The following TFAP2C variants were observed in gnomAD, a reference collection of about 807,000 sequenced individuals.
TFAP2C encodes transcription factor AP-2 gamma.
In TFAP2C, 9 loss-of-function variants were observed where a neutral mutation model predicts 42.9. The observed-to-expected ratio is 0.21, with a 90% confidence interval of 0.13 to 0.37. The LOEUF is 0.37. Among genes scored for constraint, TFAP2C ranks in the 10% least tolerant of loss-of-function variants. The pLI, the probability that TFAP2C is intolerant of heterozygous loss-of-function variation, is 1.00. For missense variants in TFAP2C, 462 were observed against 591.7 expected, an observed-to-expected ratio of 0.78 and a Z score of 2.27; for synonymous variants, 264 against 256.0, an observed-to-expected ratio of 1.03 and a Z score of -0.30.
At position 56,629,503 on chromosome 20, in the gene TFAP2C, C is replaced by A; in HGVS notation, c.-42C>A. The stretch of plus-strand genomic sequence containing the variant: ...TTTACCGCTTGGGGGCTGGGGGGAT[C>A]CTGGATTTAACTGGCGACTGTTTTG... On this transcript the variant is annotated 5_prime_UTR_variant, in exon 1 of 7. Transcript: ENST00000201031. The surrounding 1 kb of genome is among the most constrained non-coding windows in gnomAD (Gnocchi z 5.9). The A allele has an allele frequency of 7.2e-7, 1 of 1,385,856 alleles. No homozygotes were observed. The highest frequency in any genetic ancestry group is 9.4e-7 in the Non-Finnish European group (1 of 1,064,998). 85.8% of individuals were successfully genotyped at this position (1,385,856 alleles called of 1,614,324 possible).
chr20:56,637,696 G>A (rs1266119702), intron 6 of TFAP2C, 32 bp from the exon 7 acceptor site: 1 of 1,609,334 alleles, frequency 6.2e-7, no homozygotes, highest in African/African-American at 1.3e-5. Context: ...GAGCTAGATG[G>A]AACTCATCGA....
In TFAP2C at chr20:56,631,834, C is replaced by T. The variant is rs1379019762; in HGVS notation, c.564C>T (p.His188=). 1.9e-6 allele frequency: 3 copies of T among 1,614,192 alleles called. No individual in the cohort carries two copies. Among genetic ancestry groups the T allele is most frequent in the Non-Finnish European group, 2.5e-6 (3 of 1,180,042 alleles). ...TCGACGACCAGCACCTGTTGCTGCA[C>T]GATCAGACAGTCATTCGCAAAGGTA... ...QNVDDQHLLL[H]DQTVIRKGPI... is the part of the protein sequence containing the mutation. Residue 188 remains histidine (H), a synonymous_variant, in exon 3 of 7, where the codon CAC becomes CAT. Transcript: ENST00000201031. This position sits in a 1 kb window ranked among gnomAD's most constrained non-coding sequence, Gnocchi z 6.1.
In TFAP2C at chr20:56,631,727, C is replaced by T. The variant is rs1987495845; in HGVS notation, c.534+37C>T. On this transcript the variant is annotated intron_variant, in intron 2 of 6. Coordinates refer to ENST00000201031, the MANE Select transcript of TFAP2C (RefSeq NM_003222.4). This position sits in a 1 kb window ranked among gnomAD's most constrained non-coding sequence, Gnocchi z 6.1. ...TGCGGCTCCTGACCGGACCTGTTCA[C>T]CCTACGGCCTTCTGCCCCCACCCCG... The T allele has an allele frequency of 6.2e-7, 1 of 1,610,394 alleles. No homozygotes were observed. The highest frequency in any genetic ancestry group is 1.3e-5 in the African/African-American group (1 of 74,890).
Position 56,638,041 on chromosome 20 carries a change from T to C in TFAP2C, c.*28T>C, listed in dbSNP as rs775989958. ...TTGGAACGAAGAAAGGTTAGGAGAGTAGGGAAGGAACAGGACTGCAAAAAT... is the reference window on the plus strand; with the variant it reads ...TTGGAACGAAGAAAGGTTAGGAGAGCAGGGAAGGAACAGGACTGCAAAAAT... On this transcript the variant is annotated 3_prime_UTR_variant, in exon 7 of 7. Transcript: ENST00000201031. The C allele has an allele frequency of 6.3e-7, 1 of 1,596,552 alleles. No homozygotes were observed. The highest frequency in any genetic ancestry group is 2.3e-5 in the East Asian group (1 of 44,024).
In TFAP2C at chr20:56,630,328, G is replaced by A. The variant is rs557047894; in HGVS notation, c.48+736G>A. 2.3e-6 allele frequency: 1 copy of A among 435,472 alleles called. No individual in the cohort carries two copies. The highest frequency in any genetic ancestry group is 7.3e-5 in the East Asian group (1 of 13,640). 27.0% of individuals were successfully genotyped at this position (435,472 alleles called of 1,614,324 possible). A position where few individuals can be genotyped will look rare whatever the true frequency, so the allele number is the denominator to read the frequency against. ...CCTGGAGGGCTGCCCCTGCCCGCAG[G>A]CCCGGGCGCTTCCGCCAGGAGGCGA... is the stretch of plus-strand genomic sequence containing the variant. On this transcript the variant is annotated intron_variant, in intron 1 of 6. Transcript: ENST00000201031. This position sits in a 1 kb window ranked among gnomAD's most constrained non-coding sequence, Gnocchi z 5.1.
rs1987489958 is a variant in TFAP2C at position 56,631,503 on chromosome 20, C to G, written c.347C>G (p.Ser116Trp). ...AGCCAGGAGGGAGCGGGGCTGCCCT[C>G]GCACCACGGGCGCCCGGCCGGCCTA... is the stretch of plus-strand genomic sequence containing the variant. ...RQSQEGAGLP[S>W]HHGRPAGLLP... Residue 116 changes from serine to tryptophan, a missense_variant, in exon 2 of 7, where the codon TCG becomes TGG. This residue lies in a region of TFAP2C where 271 missense variants were observed against 269.7 expected (regional missense o/e 1.00). Transcript: ENST00000201031. The surrounding 1 kb of genome is among the most constrained non-coding windows in gnomAD (Gnocchi z 6.1). 2 of 1,506,282 alleles carry G rather than the reference C, an allele frequency of 1.3e-6. No homozygotes were observed. The highest frequency in any genetic ancestry group is 1.4e-5 in the African/African-American group (1 of 69,718). 93.3% of individuals were successfully genotyped at this position (1,506,282 alleles called of 1,614,324 possible). A position where few individuals can be genotyped will look rare whatever the true frequency, so the allele number is the denominator to read the frequency against.
Position 56,630,566 on chromosome 20 carries a change from G to T in TFAP2C, c.49-639G>T, listed in dbSNP as rs1266782830. Among the ~76,000 whole-genome samples the T allele has an allele frequency of 6.6e-6, 1 of 152,110 alleles. No individual in the cohort carries two copies. The highest frequency in any genetic ancestry group is 1.5e-5 in the Non-Finnish European group (1 of 67,990). On this transcript the variant is annotated intron_variant, in intron 1 of 6. Transcript: ENST00000201031. The surrounding 1 kb of genome is among the most constrained non-coding windows in gnomAD (Gnocchi z 5.1). ...GGCGCCCCCACTTATTACTCCCCTC[G>T]GCTGGGCCCGGCCAGCAGGGAGGGC...
chr20:56,635,920 A>G (rs1230841887), intron 5 of TFAP2C, among the ~76,000 whole-genome samples: 3 of 152,202 alleles, frequency 2.0e-5, no homozygotes, highest in African/African-American at 4.8e-5. Context: ...TAGTTGTTAC[A>G]TTGTATTGCT....
intron 5 of TFAP2C, among the ~76,000 whole-genome samples, chr20:56,635,764 G>A (rs1249096604): frequency 6.6e-6 from 1 of 152,114 alleles, no homozygotes; most frequent in African/African-American, 2.4e-5. Flanking sequence ...GTATCCATGG[G>A]GCACTGGTTC....
rs779366374 is a variant in TFAP2C at position 56,633,593 on chromosome 20, A to AT, written c.803+25dup. 6.3e-6 allele frequency: 10 copies of AT among 1,593,740 alleles called. No individual in the cohort carries two copies. The East Asian group carries it at 2.0e-4, about 32-fold the overall frequency. On this transcript the variant is annotated intron_variant, in intron 4 of 6. Coordinates refer to ENST00000201031, the MANE Select transcript of TFAP2C (RefSeq NM_003222.4). ...AGGTACTTGGGGCACAATTCTAGGCATAGTGGTTGGGTAGTTGAAGGTGAG... is the reference window on the plus strand; with the variant it reads ...AGGTACTTGGGGCACAATTCTAGGCATTAGTGGTTGGGTAGTTGAAGGTGAG...
rs1442161497 is a variant in TFAP2C, at chr20:56,638,864, C to T, written c.*851C>T. On this transcript the variant is annotated 3_prime_UTR_variant, in exon 7 of 7. Transcript: ENST00000201031. ...CGTGGAGGTTCTGTATTTTAAGAAA[C>T]AGTGCGTTGAGTGTACAGATTTTAT... 4 of 152,492 alleles carry T rather than the reference C, an allele frequency of 2.6e-5. No homozygotes were observed. In the Admixed American group the frequency reaches 2.6e-4, roughly 10 times the overall value. The allele number at this position is 152,492 out of a possible 1,614,324, so 9.4% of individuals were successfully genotyped here.
intron 5 of TFAP2C, among the ~76,000 whole-genome samples, chr20:56,635,325 C>G (rs1987563666): frequency 6.6e-6 from 1 of 152,102 alleles, no homozygotes; most frequent in Non-Finnish European, 1.5e-5. Flanking sequence ...CTTCAGTCAA[C>G]CCAGGGGGCC....
intron 5 of TFAP2C, among the ~76,000 whole-genome samples, chr20:56,636,007 A>G (rs761070726): frequency 3.3e-5 from 5 of 152,212 alleles, no homozygotes; most frequent in African/African-American, 4.8e-5. Context: ...AATCTTTTCA[A>G]TCTGAGTTTG....
In TFAP2C at chr20:56,630,821, C is replaced by A. The variant is rs958532517; in HGVS notation, c.49-384C>A. The A allele has an allele frequency of 1.0e-6, 1 of 985,318 alleles. No homozygotes were observed. 61.0% of individuals were successfully genotyped at this position (985,318 alleles called of 1,614,324 possible). ...CGGGCTCCACGAGATAGCTCTGCAC[C>A]GGGCGTCCGGCTCCTTCGCCCCGGG... is the stretch of plus-strand genomic sequence containing the variant. On this transcript the variant is annotated intron_variant, in intron 1 of 6. Transcript: ENST00000201031. This position sits in a 1 kb window ranked among gnomAD's most constrained non-coding sequence, Gnocchi z 5.1.
In TFAP2C at chr20:56,633,355, C is replaced by T; in HGVS notation, c.589C>T (p.Pro197Ser). The T allele has an allele frequency of 6.2e-7, 1 of 1,611,864 alleles. No homozygotes were observed. Among genetic ancestry groups the T allele is most frequent in the Non-Finnish European group, 8.5e-7 (1 of 1,178,966 alleles). Residue 197 changes from proline (P) to serine (S), a missense_variant and splice_region_variant, in exon 4 of 7, where the codon CCC (proline) becomes TCC (serine). This residue lies in a region of TFAP2C where 21 missense variants were observed against 38.1 expected (regional missense o/e 0.55). Transcript: ENST00000201031. ...CCAGCTCTGACCTTCATTCACAGGT[C>T]CCATTTCCATGACCAAGAACCCTCT... ...LHDQTVIRKG[P>S]ISMTKNPLNL...
rs772568809 is a variant in TFAP2C, at chr20:56,631,809, T to C, written c.539T>C (p.Val180Ala). 3 of 1,614,172 alleles carry C rather than the reference T, an allele frequency of 1.9e-6. No individual in the cohort carries two copies. The highest frequency in any genetic ancestry group is 4.5e-5 in the East Asian group (2 of 44,884). Reference sequence around the variant, plus strand: ...ATTTTGTCCTCTCTCCCCCAGAATGTCGACGACCAGCACCTGTTGCTGCAC... The same window carrying C: ...ATTTTGTCCTCTCTCCCCCAGAATGCCGACGACCAGCACCTGTTGCTGCAC... ...MPHQMDEVQN[V>A]DDQHLLLHDQ... Residue 180 changes from valine (V) to alanine (A), a missense_variant, in exon 3 of 7, where the codon GTC (valine) becomes GCC (alanine). Physicochemically the swap from Val to Ala is moderately conservative, Grantham distance 64. Around this residue, in one of 5 missense-constraint regions of TFAP2C, gnomAD observed 271 missense variants for 269.7 expected, o/e 1.00. Coordinates refer to ENST00000201031, the MANE Select transcript of TFAP2C (RefSeq NM_003222.4). The surrounding 1 kb of genome is among the most constrained non-coding windows in gnomAD (Gnocchi z 6.1).
Position 56,638,659 on chromosome 20 carries a change from C to CTTTTTTTTTTTTTT in TFAP2C, c.*654_*667dup, listed in dbSNP as rs34794327. 8.0e-6 allele frequency: 1 copy of CTTTTTTTTTTTTTT among 124,574 alleles called. No homozygotes were observed. The highest frequency in any genetic ancestry group is 1.7e-5 in the Non-Finnish European group (1 of 58,644). 7.7% of individuals were successfully genotyped at this position (124,574 alleles called of 1,614,324 possible). Reference sequence around the variant, plus strand: ...AAGCCTGCTGATTGATTTTTTTCTCCTTTTTTTTTTTTTTTTTTTTTAACT... The same window carrying CTTTTTTTTTTTTTT: ...AAGCCTGCTGATTGATTTTTTTCTCCTTTTTTTTTTTTTTTTTTTTTTTTTTTTTTTTTTTAACT... On this transcript the variant is annotated 3_prime_UTR_variant, in exon 7 of 7. Coordinates refer to ENST00000201031, the MANE Select transcript of TFAP2C (RefSeq NM_003222.4).
rs1987481470 is a variant in TFAP2C, at chr20:56,631,167, G to A, written c.49-38G>A. On this transcript the variant is annotated intron_variant, in intron 1 of 6. Coordinates refer to ENST00000201031, the MANE Select transcript of TFAP2C (RefSeq NM_003222.4). This position sits in a 1 kb window ranked among gnomAD's most constrained non-coding sequence, Gnocchi z 6.1. ...GGCCAGTTCGCAGTAGCGGGGTTTC[G>A]CACTAACGGGGTCTCCTGTTTTTTT... 6.8e-7 allele frequency: 1 copy of A among 1,480,318 alleles called. No individual in the cohort carries two copies. Among genetic ancestry groups the A allele is most frequent in the South Asian group, 1.4e-5 (1 of 71,152 alleles). 91.7% of individuals were successfully genotyped at this position (1,480,318 alleles called of 1,614,324 possible).
intron 5 of TFAP2C, 31 bp downstream of exon 5, chr20:56,634,299 GT>G: frequency 6.6e-7 from 1 of 1,507,256 alleles, no homozygotes; most frequent in Non-Finnish European, 9.2e-7. Flanking sequence ...GGTTCGTGAT[GT>G]TTTTAATTTG....
Sources: gnomAD v4.1 joint callset for allele counts (sites outside exome capture counted in the v4.1 genomes callset) on GRCh38, gnomAD v4.1.1 for gene constraint, gnomAD v4.1.1 regional missense constraint, Gnocchi (gnomAD v3.1) non-coding constraint, MANE v1.5 for transcripts, NCBI Gene and HGNC (gene_info 2026-07-23, HGNC 2026-07-21) for gene names.